The following TOMM40 variants were observed in gnomAD, a reference collection of about 807,000 sequenced individuals.
TOMM40 encodes the protein translocase of outer mitochondrial membrane 40, also known as mitochondrial import receptor subunit TOM40 homolog.
TOMM40 carries 9 observed loss-of-function variants against 38.4 expected under a neutral mutation model. The observed-to-expected ratio is 0.23, with a 90% confidence interval of 0.14 to 0.41. The LOEUF is 0.41. TOMM40 is among the 10% of genes least tolerant of loss of function. The pLI, the probability that TOMM40 is intolerant of heterozygous loss-of-function variation, is 1.00. For missense variants in TOMM40, 299 were observed against 486.5 expected, an observed-to-expected ratio of 0.61 and a Z score of 3.63; for synonymous variants, 184 against 210.0, an observed-to-expected ratio of 0.88 and a Z score of 1.07.
At chr19:44,892,338 AG>A in intron 1 of TOMM40, 54 bp from the exon 2 acceptor site, 1 of 1,537,144 alleles carries the variant, frequency 6.5e-7, no homozygotes, top group African/African-American at 1.4e-5. Context: ...GGGAAGGAAG[AG>A]ATGAGAGTTG....
At chr19:44,902,801 G>A (rs987059655) in intron 8 of TOMM40, 2 of 502,732 alleles carry the variant, frequency 4.0e-6, no homozygotes, top group East Asian at 7.6e-5. Flanking sequence ...GAACCCAGGG[G>A]TCTAGAGGGC....
At chr19:44,898,113 C>G (rs1414288504) in intron 5 of TOMM40, among the ~76,000 whole-genome samples, 1 of 152,136 alleles carries the variant, frequency 6.6e-6, no homozygotes, top group Non-Finnish European at 1.5e-5. Context: ...TCACACCCAC[C>G]AGGCTCATCT....
intron 1 of TOMM40, 43 bp downstream of exon 1, chr19:44,891,732 C>A: frequency 7.1e-7 from 1 of 1,399,900 alleles, no homozygotes; most frequent in Non-Finnish European, 9.3e-7. Context: ...TGGCCTGGAT[C>A]TCGGGGGAAG....
intron 2 of TOMM40, among the ~76,000 whole-genome samples, 175 bp downstream of exon 2, chr19:44,892,635 G>A (rs1191106773): frequency 6.6e-6 from 1 of 152,180 alleles, no homozygotes; most frequent in Non-Finnish European, 1.5e-5. Context: ...GAATCCAGAG[G>A]TACTGTCTCC....
chr19:44,902,784 G>A (rs953169045), intron 8 of TOMM40: 34 of 445,698 alleles, frequency 7.6e-5, no homozygotes, highest in Non-Finnish European at 1.3e-4. Context: ...GCAGGACTAG[G>A]TTGGGGGAAC....
intron 5 of TOMM40, among the ~76,000 whole-genome samples, chr19:44,894,366 A>G (rs1969526770): frequency 6.6e-6 from 1 of 150,800 alleles, no homozygotes; most frequent in Non-Finnish European, 1.5e-5. Context: ...GGTTCATGCA[A>G]TTCTCCTGCC....
At position 44,891,430 on chromosome 19, in the gene TOMM40, G is replaced by A. The variant is rs1315123137; in HGVS notation, c.15G>A (p.Leu5=). The A allele has an allele frequency of 4.6e-6, 6 of 1,294,136 alleles. No individual in the cohort carries two copies. The Admixed American group carries it at 1.2e-4, about 26-fold the overall frequency. 80.2% of individuals were successfully genotyped at this position (1,294,136 alleles called of 1,614,324 possible). Residue 5 remains leucine, a synonymous_variant, in exon 1 of 9, where the codon TTG becomes TTA. Coordinates refer to ENST00000426677, the MANE Select transcript of TOMM40 (RefSeq NM_001128917.2). MGNV[L]AASSPPAGPP... The stretch of plus-strand genomic sequence containing the variant: ...AGCAGGCGACCATGGGGAACGTGTT[G>A]GCTGCCAGCTCGCCGCCCGCAGGGC...
intron 8 of TOMM40, 138 bp from the exon 9 acceptor site, chr19:44,902,892 G>T: frequency 9.3e-7 from 1 of 1,070,834 alleles, no homozygotes; most frequent in African/African-American, 1.6e-5. Context: ...TTGGTGTGAT[G>T]GGGTTTCAGG....
intron 7 of TOMM40, 30 bp downstream of exon 7, chr19:44,901,134 G>A: frequency 6.2e-7 from 1 of 1,614,120 alleles, no homozygotes; most frequent in South Asian, 1.1e-5. Context: ...AGCTGGTGCT[G>A]CCAGGGGCTG....
chr19:44,892,745 A>C, intron 2 of TOMM40, 92 bp from the exon 3 acceptor site: 1 of 1,103,844 alleles, frequency 9.1e-7, no homozygotes, highest in Non-Finnish European at 1.4e-6. Flanking sequence ...CCCAGTCTTC[A>C]TCCCCTGCCC....
intron 5 of TOMM40, among the ~76,000 whole-genome samples, 163 bp from the exon 6 acceptor site, chr19:44,900,567 C>T (rs575728437): frequency 4.6e-5 from 7 of 152,274 alleles, no homozygotes; most frequent in African/African-American, 1.4e-4. Flanking sequence ...CTGACCTCAG[C>T]GGTAGGGAAC....
chr19:44,898,526 T>TC (rs1491362900), intron 5 of TOMM40, among the ~76,000 whole-genome samples: 90 of 88,214 alleles, frequency 1.0e-3, no homozygotes, highest in African/African-American at 2.2e-3. Context: ...TTTTTTTTTC[T>TC]TTTTTTTTTT....
chr19:44,892,378 G>A lies in TOMM40; in HGVS notation c.275-15G>A. ...TGGGGTTGGAGTGGAGTGTGACAGC[G>A]TTTCTCTTCTCCAGAGCTGTTTCCC... is the stretch of plus-strand genomic sequence containing the variant. On this transcript the variant is annotated splice_polypyrimidine_tract_variant and intron_variant, in intron 1 of 8. Transcript: ENST00000426677. The A allele has an allele frequency of 6.2e-7, 1 of 1,613,858 alleles. No homozygotes were observed. Among genetic ancestry groups the A allele is most frequent in the Non-Finnish European group, 8.5e-7 (1 of 1,179,876 alleles).
intron 1 of TOMM40, 135 bp downstream of exon 1, chr19:44,891,824 A>C: frequency 3.1e-6 from 3 of 971,246 alleles, no homozygotes; most frequent in South Asian, 2.7e-5. Flanking sequence ...TTGGGATCGA[A>C]TGGTGGAACG....
chr19:44,891,751 C>A, intron 1 of TOMM40, 62 bp downstream of exon 1: 2 of 1,359,228 alleles, frequency 1.5e-6, no homozygotes, highest in South Asian at 3.3e-5. Context: ...AGGGGGAGGA[C>A]ACTGGGGACT....
At position 44,892,893 on chromosome 19, in the gene TOMM40, C is replaced by T. The variant is rs1969494450; in HGVS notation, c.399C>T (p.Val133=). The T allele has an allele frequency of 1.2e-6, 2 of 1,614,004 alleles. No homozygotes were observed. The highest frequency in any genetic ancestry group is 2.7e-5 in the African/African-American group (2 of 75,046). The stretch of plus-strand genomic sequence containing the variant: ...GGGAGTCCAACTACCACTTCGGGGT[C>T]ACATATGTGGGGACAAAGCAGCTGA... ...TIGESNYHFG[V]TYVGTKQLSP... is the part of the protein sequence containing the mutation. Residue 133 remains valine (V), a synonymous_variant, in exon 3 of 9, where the codon GTC becomes GTT. Coordinates refer to ENST00000426677, the MANE Select transcript of TOMM40 (RefSeq NM_001128917.2).
chr19:44,902,940 C>A, intron 8 of TOMM40, 90 bp from the exon 9 acceptor site: 4 of 1,513,114 alleles, frequency 2.6e-6, no homozygotes, highest in South Asian at 1.3e-5. Context: ...TGGAAGCTGT[C>A]GGCATGTGGC....
At chr19:44,900,610 T>G in intron 5 of TOMM40, 120 bp from the exon 6 acceptor site, 5 of 1,579,358 alleles carry the variant, frequency 3.2e-6, no homozygotes, top group Non-Finnish European at 4.3e-6. Flanking sequence ...AAGGAGCCCT[T>G]GAGGGAGGCC....
At chr19:44,895,563 A>C (rs1262822970) in intron 5 of TOMM40, among the ~76,000 whole-genome samples, 1 of 152,054 alleles carries the variant, frequency 6.6e-6, no homozygotes. Flanking sequence ...TTTGAGACGG[A>C]GTCTTGCTCT....
Sources: allele counts gnomAD v4.1 joint callset (sites outside exome capture counted in the v4.1 genomes callset), GRCh38; gene constraint gnomAD v4.1.1; transcripts MANE v1.5; gene names NCBI Gene and HGNC (gene_info 2026-07-23, HGNC 2026-07-21).